Variants in MGAT1 observed in about 807,000 individuals in gnomAD.
MGAT1 encodes the protein alpha-1,3-mannosyl-glycoprotein 2-beta-N-acetylglucosaminyltransferase.
A neutral mutation model predicts 31.7 loss-of-function variants in MGAT1; 14 were observed. That is an observed-to-expected ratio of 0.44 (90% confidence interval 0.29 to 0.69). The LOEUF is 0.69. Among genes scored for constraint, MGAT1 ranks in the 30% least tolerant of loss-of-function variants. The pLI is 0.12. For missense variants in MGAT1, 557 were observed against 626.0 expected (o/e 0.89, Z 1.18); for synonymous variants, 338 against 276.0 (o/e 1.22, Z -2.23).
chr5:180,804,294 G>C (rs1228032293), upstream of MGAT1, among the ~76,000 whole-genome samples: 2 of 151,174 alleles, frequency 1.3e-5, no homozygotes, highest in Admixed American at 6.6e-5. Flanking sequence ...CCAGGTTTTA[G>C]ACCGGGCACT....
At chr5:180,801,345 G>A (rs1298766650) in intron 1 of MGAT1, among the ~76,000 whole-genome samples, 2 of 152,178 alleles carry the variant, frequency 1.3e-5, no homozygotes, top group Non-Finnish European at 2.9e-5. Flanking sequence ...TCTCTGCTTT[G>A]CTTAAAGTTA....
chr5:180,811,751 T>C (rs887177446), intron 1 of MGAT1, among the ~76,000 whole-genome samples: 3 of 151,918 alleles, frequency 2.0e-5, no homozygotes, highest in African/African-American at 7.3e-5. Flanking sequence ...GCTCCTCAGT[T>C]TACTTGAAAT....
rs2113200496 is a variant in MGAT1 at position 180,791,694 on chromosome 5, G to A, written c.1278C>T (p.Gly426=). The change falls in exon 2 of 2, where the codon GGC becomes GGT. Residue 426 remains glycine, a synonymous_variant. Transcript: ENST00000307826. ...GTGGGGGCGCCAGGTGGACACGGCG[G>A]CCCCGGAACTGGAAGGTGACAATAC... The part of the protein sequence containing the change: ...YRGIVTFQFR[G]RRVHLAPPLT... 1 of 1,613,876 alleles carries A rather than the reference G, an allele frequency of 6.2e-7. No homozygotes were observed.
chr5:180,800,841 T>C (rs763613437), intron 1 of MGAT1, among the ~76,000 whole-genome samples: 15 of 152,320 alleles, frequency 9.8e-5, no homozygotes, highest in African/African-American at 2.6e-4. Context: ...CCTTTTTAAA[T>C]AGAACAACTG....
At chr5:180,806,833 C>T (rs60630376), upstream of MGAT1, among the ~76,000 whole-genome samples, 1 of 152,210 alleles carries the variant, frequency 6.6e-6, no homozygotes, top group African/African-American at 2.4e-5. Context: ...GAGGAGGCAC[C>T]GTGGCATCAC....
In MGAT1 at chr5:180,786,871, A is replaced by G. The variant is rs1767600908; in HGVS notation, c.*4763T>C. On this transcript the variant is annotated 3_prime_UTR_variant, in exon 2 of 2. Transcript: ENST00000307826. ...TGACACACTGTCTTACAGTTCTGGT[A>G]TAAAGGGTCAGACTTCAAGTTAGCC... The G allele has an allele frequency of 6.6e-6, 1 of 152,288 alleles. No individual in the cohort carries two copies. The highest frequency in any genetic ancestry group is 2.4e-5 in the African/African-American group (1 of 41,462). The allele number at this position is 152,288 out of a possible 1,614,324, so 9.4% of individuals were successfully genotyped here.
At chr5:180,809,055 G>A (rs1278484982) in exon 2 of MGAT1, 2 of 152,152 alleles carry the variant, frequency 1.3e-5, no homozygotes, top group Non-Finnish European at 2.9e-5. Context: ...GCATGGCCCA[G>A]GAGGCAGATT....
chr5:180,802,120 G>GGGAGAC (rs11283630), intron 1 of MGAT1, among the ~76,000 whole-genome samples: 19,019 of 152,162 alleles, frequency 0.12, 1,238 homozygotes, highest in East Asian at 0.24. Context: ...TCAGCCTTCA[G>GGGAGAC]GGAGCCGGCC....
chr5:180,792,465 G>T lies in MGAT1; in HGVS notation c.507C>A (p.Ser169Arg), dbSNP rs199977607. ...TGCGGTGGTCCGGCGGCACCGCAAT[G>T]CTGCTCAGGTCGGGCTGCCGGATGT... ...VTHIRQPDLS[S>R]IAVPPDHRKF... Residue 169 changes from serine to arginine, a missense_variant, in exon 2 of 2, where the codon AGC becomes AGA. Around this residue, in one of 3 missense-constraint regions of MGAT1, gnomAD observed 245 missense variants for 332.9 expected, o/e 0.74. Coordinates refer to ENST00000307826, the MANE Select transcript of MGAT1 (RefSeq NM_002406.4). 1 of 1,612,850 alleles carries T rather than the reference G, an allele frequency of 6.2e-7. No individual in the cohort carries two copies. Among genetic ancestry groups the T allele is most frequent in the East Asian group, 2.2e-5 (1 of 44,870 alleles).
chr5:180,798,069 A>G (rs2113373341), intron 1 of MGAT1, among the ~76,000 whole-genome samples: 1 of 152,320 alleles, frequency 6.6e-6, no homozygotes, highest in African/African-American at 2.4e-5. Context: ...CACCATCAGG[A>G]GAGTGCAGCA....
chr5:180,791,534 C>T lies in MGAT1; in HGVS notation c.*100G>A. On this transcript the variant is annotated 3_prime_UTR_variant, in exon 2 of 2. Transcript: ENST00000307826. ...CGGAAAAATCAAAAAGATAAATGCA[C>T]CTAAGAGGGAAACACAGGCAGGCCG... 7.1e-7 allele frequency: 1 copy of T among 1,412,342 alleles called. No individual in the cohort carries two copies. Among genetic ancestry groups the T allele is most frequent in the Non-Finnish European group, 9.6e-7 (1 of 1,036,814 alleles). 87.5% of individuals were successfully genotyped at this position (1,412,342 alleles called of 1,614,324 possible).
At chr5:180,796,537 G>C (rs1363445371) in intron 1 of MGAT1, among the ~76,000 whole-genome samples, 3 of 152,184 alleles carry the variant, frequency 2.0e-5, no homozygotes, top group Non-Finnish European at 4.4e-5. Context: ...AGAGCTGTGG[G>C]CCATATCCCC....
Position 180,791,660 on chromosome 5 carries a change from C to T in MGAT1, c.1312G>A (p.Glu438Lys). The T allele has an allele frequency of 2.5e-6, 4 of 1,613,774 alleles. No homozygotes were observed. Among genetic ancestry groups the T allele is most frequent in the Non-Finnish European group, 3.4e-6 (4 of 1,180,008 alleles). Residue 438 changes from glutamate to lysine, a missense_variant, in exon 2 of 2, where the codon GAG becomes AAG. This residue lies in a region of MGAT1 where 145 missense variants were observed against 143.2 expected (regional missense o/e 1.01). Coordinates refer to ENST00000307826, the MANE Select transcript of MGAT1 (RefSeq NM_002406.4). ...TAATTCCAGCTAGGATCATAGCCCTCCCACGTCAGTGGGGGCGCCAGGTGG... is the reference window on the plus strand; with the variant it reads ...TAATTCCAGCTAGGATCATAGCCCTTCCACGTCAGTGGGGGCGCCAGGTGG... ...RVHLAPPLTW[E>K]GYDPSWN
chr5:180,793,618 T>C (rs1768705828), intron 1 of MGAT1, among the ~76,000 whole-genome samples: 1 of 152,102 alleles, frequency 6.6e-6, no homozygotes, highest in Admixed American at 6.5e-5. Flanking sequence ...GAAAAAAAAA[T>C]TCAAAGCAGA....
chr5:180,809,980 T>G (rs1772367833), intron 1 of MGAT1: 1 of 152,150 alleles, frequency 6.6e-6, no homozygotes, highest in African/African-American at 2.4e-5. Context: ...CTTCCTGGAC[T>G]CTGACCCCCA....
chr5:180,812,482 CCT>C (rs996571914), intron 1 of MGAT1, among the ~76,000 whole-genome samples: 1 of 151,968 alleles, frequency 6.6e-6, no homozygotes, highest in Admixed American at 6.6e-5. Context: ...CTCCTGTCCC[CCT>C]CTCATCCCAC....
Position 180,791,722 on chromosome 5 carries a change from C to G in MGAT1, c.1250G>C (p.Arg417Pro). ...LKSGVPRAGY[R>P]GIVTFQFRGR... ...CCGGAACTGGAAGGTGACAATACCC[C>G]GGTAGCCAGCTCTCGGAACCCCCGA... Residue 417 changes from arginine to proline, a missense_variant, in exon 2 of 2, where the codon CGG (arginine) becomes CCG (proline). Around this residue, in one of 3 missense-constraint regions of MGAT1, gnomAD observed 145 missense variants for 143.2 expected, o/e 1.01. Coordinates refer to ENST00000307826, the MANE Select transcript of MGAT1 (RefSeq NM_002406.4). 6.2e-7 allele frequency: 1 copy of G among 1,614,052 alleles called. No homozygotes were observed. Among genetic ancestry groups the G allele is most frequent in the South Asian group, 1.1e-5 (1 of 91,084 alleles).
rs1245466318 is a variant in MGAT1, at chr5:180,792,656, T to G, written c.316A>C (p.Ile106Leu). ...RVPVTPAPAV[I>L]PILVIACDRS... ...TCACAGGCGATGACCAGGATGGGAA[T>G]CACCGCCGGCGCGGGGGTCACAGGC... Residue 106 changes from isoleucine (I) to leucine (L), a missense_variant, in exon 2 of 2, where the codon ATT becomes CTT. Physicochemically the swap from Ile to Leu is conservative, Grantham distance 5 (BLOSUM62 2). Around this residue, in one of 3 missense-constraint regions of MGAT1, gnomAD observed 167 missense variants for 149.8 expected, o/e 1.11. Transcript: ENST00000307826. 4.4e-6 allele frequency: 7 copies of G among 1,582,822 alleles called. No homozygotes were observed. The highest frequency in any genetic ancestry group is 6.0e-6 in the Non-Finnish European group (7 of 1,163,042).
chr5:180,795,230 G>T (rs1014956235), intron 1 of MGAT1, among the ~76,000 whole-genome samples: 23 of 151,720 alleles, frequency 1.5e-4, no homozygotes, highest in Non-Finnish European at 2.9e-5. Context: ...GAAGCTTCTA[G>T]AAGGGTGGAT....
Sources: gnomAD v4.1 joint callset for allele counts (sites outside exome capture counted in the v4.1 genomes callset) on GRCh38, gnomAD v4.1.1 for gene constraint, gnomAD v4.1.1 regional missense constraint, MANE v1.5 for transcripts, NCBI Gene and HGNC (gene_info 2026-07-23, HGNC 2026-07-21) for gene names.